Variants in GCNT2 observed in about 807,000 individuals in gnomAD.
The protein encoded by GCNT2 is glucosaminyl (N-acetyl) transferase 2 (I blood group), also known as N-acetyllactosaminide beta-1,6-N-acetylglucosaminyl-transferase.
Under a neutral mutation model 34.2 loss-of-function variants are expected in GCNT2, and 34 were observed. The observed-to-expected ratio is 1.00, with a 90% CI of 0.76 to 1.32. The LOEUF is 1.32. Among genes scored for constraint, GCNT2 ranks in the 40% most tolerant of loss-of-function variants. The probability of loss-of-function intolerance (pLI) is 0.00; values close to 1 mark genes in which losing one functional copy is unlikely to be tolerated. For synonymous variants in GCNT2, 212 were observed against 188.0 expected, an observed-to-expected ratio of 1.13 and a Z score of -1.04; for missense variants, 584 against 489.4, an observed-to-expected ratio of 1.19 and a Z score of -1.82.
intron 3 of GCNT2, among the ~76,000 whole-genome samples, chr6:10,568,871 A>G (rs913560231): frequency 6.6e-6 from 1 of 152,016 alleles, no homozygotes; most frequent in Non-Finnish European, 1.5e-5. Flanking sequence ...GTTTAATGGT[A>G]TGTCATTCAA....
chr6:10,524,319 C>T (rs1392045299), intron 1 of GCNT2, among the ~76,000 whole-genome samples: 1 of 149,660 alleles, frequency 6.7e-6, no homozygotes, highest in Non-Finnish European at 1.5e-5. Flanking sequence ...GGCACGATCT[C>T]GGCTCACCGC....
At chr6:10,588,826 AGTGTATGTGTGTGGTGTGTGTGTGGT>A (rs1581451837) in intron 3 of GCNT2, among the ~76,000 whole-genome samples, 1 of 117,884 alleles carries the variant, frequency 8.5e-6, no homozygotes, top group Non-Finnish European at 1.7e-5. Context: ...GTGTGTTTGC[AGTGTATGTGTGTGGTGTGTGTGTGGT>A]GTGTATGTGT....
chr6:10,532,984 T>C (rs1761571470), intron 3 of GCNT2, among the ~76,000 whole-genome samples: 1 of 150,000 alleles, frequency 6.7e-6, no homozygotes, highest in Non-Finnish European at 1.5e-5. Context: ...ATTGTCATGA[T>C]TGAGGGATTA....
chr6:10,530,054 A>G, intron 3 of GCNT2: 1 of 528,358 alleles, frequency 1.9e-6, no homozygotes, highest in Non-Finnish European at 3.4e-6. Context: ...AGACCGAAGG[A>G]ACACTGGCCA....
intron 1 of GCNT2, among the ~76,000 whole-genome samples, chr6:10,524,251 CT>C (rs77144347): frequency 0.025 from 3,255 of 131,440 alleles, 32 homozygotes; most frequent in South Asian, 0.029. Context: ...TAATCCAGGG[CT>C]TTTTTTTTTT....
chr6:10,621,240 A>G (rs1766019684), intron 3 of GCNT2, 111 bp from the exon 4 acceptor site: 4 of 743,454 alleles, frequency 5.4e-6, no homozygotes, highest in African/African-American at 5.2e-5. Context: ...GTGAAATGCG[A>G]AAGGTAATAA....
In GCNT2 at chr6:10,529,836, G is replaced by GGTAT. The variant is rs1169660075; in HGVS notation, c.925+4_925+7dup. 5.0e-6 allele frequency: 8 copies of GGTAT among 1,608,582 alleles called. No homozygotes were observed. Among genetic ancestry groups the GGTAT allele is most frequent in the Non-Finnish European group, 6.8e-6 (8 of 1,175,454 alleles). ...CTGGGTGACACTCAACAGGATTCCC[G>GGTAT]GTATGTACGTCTCTTAACTTTTATT... is the stretch of plus-strand genomic sequence containing the variant. On this transcript the variant is annotated frameshift_variant and splice_region_variant. Transcript: ENST00000495262. LOFTEE classifies it high-confidence loss of function.
At chr6:10,561,006 C>T (rs1438706229) in intron 3 of GCNT2, among the ~76,000 whole-genome samples, 2 of 152,146 alleles carry the variant, frequency 1.3e-5, no homozygotes, top group Non-Finnish European at 2.9e-5. Flanking sequence ...TTTCTCTGAC[C>T]CACGTTACAG....
At chr6:10,594,162 C>T (rs1764754932) in intron 3 of GCNT2, among the ~76,000 whole-genome samples, 2 of 152,238 alleles carry the variant, frequency 1.3e-5, no homozygotes, top group South Asian at 4.1e-4. Flanking sequence ...AGGTCTGGAG[C>T]AGTCCCCAGA....
At chr6:10,540,019 A>T (rs1330165879) in intron 3 of GCNT2, among the ~76,000 whole-genome samples, 2 of 152,034 alleles carry the variant, frequency 1.3e-5, no homozygotes, top group Non-Finnish European at 2.9e-5. Flanking sequence ...TCGGGGCTAC[A>T]GTGAGGGGTG....
intron 3 of GCNT2, among the ~76,000 whole-genome samples, chr6:10,584,666 A>G (rs1273526003): frequency 6.6e-6 from 1 of 152,202 alleles, no homozygotes; most frequent in Non-Finnish European, 1.5e-5. Context: ...TAGAGAATGG[A>G]GAATGGCGAT....
At chr6:10,586,637 C>A (rs1480320145) in intron 3 of GCNT2, 2 of 1,613,968 alleles carry the variant, frequency 1.2e-6, no homozygotes, top group African/African-American at 2.7e-5. Flanking sequence ...AAAATATCAC[C>A]CCAGGGGTGC....
chr6:10,567,752 G>C (rs529599023), intron 3 of GCNT2, among the ~76,000 whole-genome samples: 2 of 152,168 alleles, frequency 1.3e-5, no homozygotes, highest in Non-Finnish European at 2.9e-5. Context: ...AGTTGTTACT[G>C]AGAAAGGCAG....
chr6:10,578,990 G>A (rs924795535), intron 3 of GCNT2, among the ~76,000 whole-genome samples: 1 of 152,142 alleles, frequency 6.6e-6, no homozygotes, highest in Non-Finnish European at 1.5e-5. Flanking sequence ...TCTTCAGAAT[G>A]GATGCTGAGG....
chr6:10,576,609 G>A (rs1763825278), intron 3 of GCNT2, among the ~76,000 whole-genome samples: 1 of 152,166 alleles, frequency 6.6e-6, no homozygotes, highest in South Asian at 2.1e-4. Flanking sequence ...GACTTAGGGG[G>A]AGGTAGGAGG....
chr6:10,586,283 C>T (rs1373288331), intron 3 of GCNT2: 2 of 1,614,076 alleles, frequency 1.2e-6, no homozygotes, highest in African/African-American at 1.3e-5. Flanking sequence ...TCCCTTTGGC[C>T]TATGTCATGG....
intron 3 of GCNT2, among the ~76,000 whole-genome samples, chr6:10,605,106 A>G (rs1765251433): frequency 6.6e-6 from 1 of 151,662 alleles, no homozygotes; most frequent in Admixed American, 6.6e-5. Context: ...TGATTGCGCC[A>G]TGTGCTCCAG....
intron 3 of GCNT2, among the ~76,000 whole-genome samples, chr6:10,595,219 A>G (rs1371814098): frequency 6.6e-6 from 1 of 152,126 alleles, no homozygotes; most frequent in Non-Finnish European, 1.5e-5. Context: ...AATGCTATCT[A>G]TTTTTGAAAT....
chr6:10,530,989 G>C (rs767994426), intron 3 of GCNT2, among the ~76,000 whole-genome samples: 6 of 151,518 alleles, frequency 4.0e-5, no homozygotes, highest in Non-Finnish European at 5.9e-5. Context: ...AGGAGGCGGA[G>C]GTTGCAGTGA....
Sources: gnomAD v4.1 joint callset for allele counts (sites outside exome capture counted in the v4.1 genomes callset) on GRCh38, gnomAD v4.1.1 for gene constraint, MANE v1.5 for transcripts, NCBI Gene and HGNC (gene_info 2026-07-23, HGNC 2026-07-21) for gene names.